The following RABGEF1 variants were observed in gnomAD, a reference collection of about 807,000 sequenced individuals.
The protein encoded by RABGEF1 is rab5 GDP/GTP exchange factor.
In RABGEF1, 26 loss-of-function variants were observed where a neutral mutation model predicts 57.3. The observed-to-expected ratio is 0.45, with a 90% CI of 0.33 to 0.63. The LOEUF (loss-of-function observed/expected upper bound fraction) is 0.63, where lower values mean the gene tolerates loss of function less well. Ranked by LOEUF, RABGEF1 falls within the 20% of genes least tolerant of loss-of-function variation. The pLI, the probability that RABGEF1 is intolerant of heterozygous loss-of-function variation, is 0.02. For missense variants in RABGEF1, 464 were observed against 607.6 expected, an observed-to-expected ratio of 0.76 and a Z score of 2.48; for synonymous variants, 185 against 210.7, an observed-to-expected ratio of 0.88 and a Z score of 1.06.
intron 1 of RABGEF1, among the ~76,000 whole-genome samples, chr7:66,771,341 G>A (rs752249918): frequency 4.6e-5 from 7 of 151,948 alleles, no homozygotes; most frequent in Admixed American, 6.6e-5. Context: ...GGGTTTCACC[G>A]TGTTAGCCAG....
intron 1 of RABGEF1, among the ~76,000 whole-genome samples, chr7:66,703,054 AG>A (rs1793524062): frequency 6.6e-6 from 1 of 152,090 alleles, no homozygotes; most frequent in Non-Finnish European, 1.5e-5. Flanking sequence ...ACTTACTGCA[AG>A]CTCTGCCTCC....
rs1422770001 is a variant in RABGEF1, at chr7:66,811,261, A to G, written c.*1977A>G. 1 of 152,108 alleles carries G rather than the reference A, an allele frequency of 6.6e-6. No individual in the cohort carries two copies. Among genetic ancestry groups the G allele is most frequent in the African/African-American group, 2.4e-5 (1 of 41,414 alleles). 9.4% of individuals were successfully genotyped at this position (152,108 alleles called of 1,614,324 possible). ...GTTGATTTTTTTGGAGGTATCTCAT[A>G]TTGGTCGAATTCTTCTGGTATGGAC... On this transcript the variant is annotated 3_prime_UTR_variant, in exon 9 of 9. Transcript: ENST00000284957.
At position 66,775,267 on chromosome 7, in the gene RABGEF1, A is replaced by G; in HGVS notation, c.220A>G (p.Ser74Gly). The change falls in exon 3 of 9, where the codon AGC becomes GGC. Residue 74 changes from serine (S) to glycine (G), a missense_variant. Around this residue, in one of 4 missense-constraint regions of RABGEF1, gnomAD observed 284 missense variants for 389.9 expected, o/e 0.73. Transcript: ENST00000284957. ...AGAAGAGGCCTTTGCCAGCAGTCAG[A>G]GCAGCCAAGGGGCCCAATCCCTCAC... is the stretch of plus-strand genomic sequence containing the variant. ...EEEEAFASSQ[S>G]SQGAQSLTFS... 6.2e-7 allele frequency: 1 copy of G among 1,613,948 alleles called. No individual in the cohort carries two copies. Among genetic ancestry groups the G allele is most frequent in the Non-Finnish European group, 8.5e-7 (1 of 1,179,840 alleles).
chr7:66,693,446 G>T (rs567681486), intron 1 of RABGEF1, among the ~76,000 whole-genome samples: 1 of 152,182 alleles, frequency 6.6e-6, no homozygotes, highest in African/African-American at 2.4e-5. Context: ...GAGAAGGTAG[G>T]TCTCATGCCC....
intron 1 of RABGEF1, among the ~76,000 whole-genome samples, chr7:66,708,193 T>G (rs747401224): frequency 1.2e-4 from 19 of 152,166 alleles, no homozygotes; most frequent in Non-Finnish European, 1.9e-4. Context: ...TCCTTGTTGT[T>G]ACTTTTACTA....
the RABGEF1 span, among the ~76,000 whole-genome samples, chr7:66,662,564 G>T: frequency 2.6e-5 from 4 of 152,200 alleles, no homozygotes; most frequent in Admixed American, 6.5e-5. Flanking sequence ...GTAGAGACAG[G>T]CAGGGAGGCT....
chr7:66,806,717 C>T (rs568982808), intron 8 of RABGEF1, among the ~76,000 whole-genome samples: 1 of 144,950 alleles, frequency 6.9e-6, no homozygotes, highest in South Asian at 2.2e-4. Flanking sequence ...GATCTCAGCT[C>T]ACTGCAACCT....
intron 1 of RABGEF1, among the ~76,000 whole-genome samples, chr7:66,686,783 T>C (rs956497302): frequency 6.6e-6 from 1 of 152,020 alleles, no homozygotes; most frequent in Non-Finnish European, 1.5e-5. Flanking sequence ...GTCAGTGGGA[T>C]AGGAAGTCTA....
intron 2 of RABGEF1, among the ~76,000 whole-genome samples, chr7:66,720,867 A>G (rs1407937577): frequency 6.6e-6 from 1 of 152,204 alleles, no homozygotes; most frequent in African/African-American, 2.4e-5. Context: ...GAATTTCCAT[A>G]TGCTAGCTCA....
chr7:66,796,351 A>G (rs571216641), intron 5 of RABGEF1, among the ~76,000 whole-genome samples: 4 of 152,316 alleles, frequency 2.6e-5, no homozygotes, highest in African/African-American at 9.6e-5. Context: ...CTCCATTTGT[A>G]TACCTCAGAG....
intron 2 of RABGEF1, among the ~76,000 whole-genome samples, chr7:66,731,802 T>C (rs1797351111): frequency 6.6e-6 from 1 of 152,146 alleles, no homozygotes; most frequent in African/African-American, 2.4e-5. Flanking sequence ...CATCTAGAGC[T>C]GCCCCAGACA....
At chr7:66,743,854 C>T (rs1220827665) in intron 1 of RABGEF1, among the ~76,000 whole-genome samples, 1 of 151,984 alleles carries the variant, frequency 6.6e-6, no homozygotes, top group Non-Finnish European at 1.5e-5. Flanking sequence ...TGCTCTCCAA[C>T]CCCTGGCCTC....
chr7:66,753,945 T>TCTGC (rs1193419068), intron 1 of RABGEF1, among the ~76,000 whole-genome samples: 21 of 150,128 alleles, frequency 1.4e-4, no homozygotes, highest in East Asian at 2.0e-4. Flanking sequence ...GACCTTGTGA[T>TCTGC]CCACCTGCCT....
At chr7:66,802,590 T>C (rs1158572225) in intron 7 of RABGEF1, among the ~76,000 whole-genome samples, 1 of 152,200 alleles carries the variant, frequency 6.6e-6, no homozygotes, top group Non-Finnish European at 1.5e-5. Context: ...TCTCCTCACA[T>C]GTCTCCTAGT....
upstream of RABGEF1, among the ~76,000 whole-genome samples, chr7:66,737,051 G>GGAGAGAGAGAGAGA (rs146350696): frequency 3.2e-5 from 4 of 124,922 alleles, no homozygotes; most frequent in Non-Finnish European, 7.0e-5. Context: ...ATATGAGGGG[G>GGAGAGAGAGAGAGA]GAGAGAGAGA....
At chr7:66,716,403 C>T (rs544499791) in intron 2 of RABGEF1, among the ~76,000 whole-genome samples, 1 of 152,164 alleles carries the variant, frequency 6.6e-6, no homozygotes, top group East Asian at 1.9e-4. Flanking sequence ...AGTTTGAGAC[C>T]AGCCTGGGCA....
the RABGEF1 span, among the ~76,000 whole-genome samples, chr7:66,662,719 G>A: frequency 0.013 from 2,003 of 152,212 alleles, 43 homozygotes; most frequent in African/African-American, 0.046. Flanking sequence ...GTGTGTAGGC[G>A]TGTGTGTGCA....
intron 1 of RABGEF1, among the ~76,000 whole-genome samples, chr7:66,691,798 A>C (rs1430352782): frequency 6.6e-6 from 1 of 152,194 alleles, no homozygotes. Context: ...TCACACCTGT[A>C]ATCCCAACAC....
intron 1 of RABGEF1, among the ~76,000 whole-genome samples, chr7:66,710,307 T>G (rs1794627235): frequency 6.6e-6 from 1 of 152,248 alleles, no homozygotes; most frequent in South Asian, 2.1e-4. Context: ...TAGGTTGTTT[T>G]TTAGCGTTTA....
Sources: allele counts gnomAD v4.1 joint callset (sites outside exome capture counted in the v4.1 genomes callset), GRCh38; gene constraint gnomAD v4.1.1; regional missense constraint gnomAD v4.1.1; transcripts MANE v1.5; gene names NCBI Gene and HGNC (gene_info 2026-07-23, HGNC 2026-07-21).